Variants in FRK observed in about 807,000 individuals in gnomAD.
The protein encoded by FRK is fyn related Src family tyrosine kinase, also known as tyrosine-protein kinase FRK.
FRK carries 51 observed loss-of-function variants against 56.4 expected under a neutral mutation model. The ratio of observed to expected loss-of-function variants is 0.90; its 90% CI spans 0.72 to 1.14. The LOEUF (loss-of-function observed/expected upper bound fraction) is 1.14. FRK is among the 50% of genes most tolerant of loss of function. FRK has a pLI of 0.00. For missense variants in FRK, 570 were observed against 601.4 expected, an observed-to-expected ratio of 0.95 and a Z score of 0.55; for synonymous variants, 245 against 217.9, an observed-to-expected ratio of 1.12 and a Z score of -1.10.
rs374267660 is a variant in FRK at position 116,060,198 on chromosome 6, G to A, written c.114C>T (p.Pro38=). 1 of 1,614,034 alleles carries A rather than the reference G, an allele frequency of 6.2e-7. No homozygotes were observed. Among genetic ancestry groups the A allele is most frequent in the Non-Finnish European group, 8.5e-7 (1 of 1,180,036 alleles). The change falls in exon 1 of 8, where the codon CCC becomes CCT. Residue 38 remains proline (P), a synonymous_variant. Transcript: ENST00000606080. ...VIENPGALCS[P]QSQRHGHYFV... is the part of the protein sequence containing the mutation. ...AGTAGTGGCCATGCCTCTGTGACTG[G>A]GGAGAGCAAAGGGCCCCTGGATTTT...
the FRK span, among the ~76,000 whole-genome samples, chr6:116,075,019 G>T: frequency 6.6e-6 from 1 of 152,128 alleles, no homozygotes. Context: ...AGAAGGAGAA[G>T]GGCAGAGATT....
chr6:115,988,537 A>G (rs1235704151), intron 2 of FRK, among the ~76,000 whole-genome samples: 2 of 151,978 alleles, frequency 1.3e-5, no homozygotes, highest in Admixed American at 1.3e-4. Context: ...AAAACTAAAA[A>G]CAAACAAAGT....
At chr6:115,999,962 T>A (rs1230183811) in intron 2 of FRK, among the ~76,000 whole-genome samples, 1 of 152,190 alleles carries the variant, frequency 6.6e-6, no homozygotes, top group Non-Finnish European at 1.5e-5. Context: ...TTGACTTCAT[T>A]GAAAAGAAAT....
chr6:116,053,585 G>T (rs1777260420), intron 1 of FRK, among the ~76,000 whole-genome samples: 1 of 152,076 alleles, frequency 6.6e-6, no homozygotes, highest in Non-Finnish European at 1.5e-5. Context: ...AAACCAATTT[G>T]AATCCAATAG....
At chr6:115,948,176 GC>G (rs1772543390) in intron 5 of FRK, among the ~76,000 whole-genome samples, 1 of 152,192 alleles carries the variant, frequency 6.6e-6, no homozygotes, top group Admixed American at 6.5e-5. Context: ...GTTGCAAGCT[GC>G]CCAGTGGAAA....
intron 1 of FRK, among the ~76,000 whole-genome samples, chr6:116,033,134 T>G (rs370070658): frequency 6.6e-6 from 1 of 151,722 alleles, no homozygotes; most frequent in South Asian, 2.1e-4. Flanking sequence ...CTATGATGGA[T>G]CACAGGCAGC....
chr6:116,061,838 G>A (rs188838341), upstream of FRK, among the ~76,000 whole-genome samples: 54 of 151,890 alleles, frequency 3.6e-4, no homozygotes, highest in Admixed American at 1.6e-3. Context: ...TGAGACCCTT[G>A]AACCTGGCTA....
chr6:116,098,128 A>T, the FRK span, among the ~76,000 whole-genome samples: 97,648 of 110,162 alleles, frequency 0.89, 42,672 homozygotes, highest in East Asian at 0.98. Flanking sequence ...TTTTTTTTTT[A>T]AAAGACAGGG....
chr6:116,036,105 CT>C (rs1220708600), intron 1 of FRK, among the ~76,000 whole-genome samples: 4 of 152,062 alleles, frequency 2.6e-5, no homozygotes, highest in Non-Finnish European at 5.9e-5. Flanking sequence ...GCTGCCTGCA[CT>C]TTTTTTAAAA....
At chr6:115,968,552 AAC>A in intron 3 of FRK, 22 bp downstream of exon 3, 2 of 1,591,360 alleles carry the variant, frequency 1.3e-6, no homozygotes, top group South Asian at 2.3e-5. Flanking sequence ...TCAATAAAAA[AAC>A]ACAGCTTGAA....
At chr6:116,004,305 G>A (rs1391577501) in intron 1 of FRK, among the ~76,000 whole-genome samples, 1 of 152,068 alleles carries the variant, frequency 6.6e-6, no homozygotes, top group African/African-American at 2.4e-5. Context: ...CAAAGCCCCA[G>A]TGTCTGCCTG....
At chr6:115,976,686 TTCTGCCAGTGATTTGTTC>T (rs1184753683) in intron 2 of FRK, among the ~76,000 whole-genome samples, 5 of 152,186 alleles carry the variant, frequency 3.3e-5, no homozygotes, top group African/African-American at 1.2e-4. Flanking sequence ...CCTAATCTTA[TTCTGCCAGTGATTTGTTC>T]TCTGACCTTA....
chr6:116,029,165 A>C (rs559776795), intron 1 of FRK, among the ~76,000 whole-genome samples: 1 of 152,062 alleles, frequency 6.6e-6, no homozygotes, highest in African/African-American at 2.4e-5. Flanking sequence ...ATCTTCCCTA[A>C]CTATCCCATT....
chr6:115,932,580 C>T lies in FRK; in HGVS notation c.*9834G>A, dbSNP rs1738017515. The T allele has an allele frequency of 6.6e-6, 1 of 152,176 alleles. No individual in the cohort carries two copies. The highest frequency in any genetic ancestry group is 2.1e-4 in the South Asian group (1 of 4,832). The allele number at this position is 152,176 out of a possible 1,614,324, so 9.4% of individuals were successfully genotyped here. A position where few individuals can be genotyped will look rare whatever the true frequency, so the allele number is the denominator to read the frequency against. ...ATAAGGTACCCAAATCATCACCATT[C>T]TAGCTCACATAATGTGTCTTTTTAA... On this transcript the variant is annotated 3_prime_UTR_variant, in exon 8 of 8. Transcript: ENST00000606080.
At chr6:115,969,020 C>G (rs201395065) in intron 2 of FRK, among the ~76,000 whole-genome samples, 1 of 151,930 alleles carries the variant, frequency 6.6e-6, no homozygotes, top group Non-Finnish European at 1.5e-5. Context: ...TTGATTAAAA[C>G]AAGCCATAAA....
intron 1 of FRK, among the ~76,000 whole-genome samples, chr6:116,055,227 A>T (rs1457714026): frequency 6.6e-6 from 1 of 152,210 alleles, no homozygotes; most frequent in Non-Finnish European, 1.5e-5. Context: ...CTGACACACT[A>T]AAGAGCAGCA....
Position 115,970,131 on chromosome 6 carries a change from A to AT in FRK, c.467-1393dup, listed in dbSNP as rs557321401. Among the ~76,000 whole-genome samples the AT allele has an allele frequency of 3.4e-3, 495 of 146,722 alleles. 13 individuals are homozygous for AT. The South Asian group carries it at 0.038, about 11-fold the overall frequency. ...ACTGAGGGCATGCCAATAGCTAGGA[A>AT]TTTTTTTTTTTTTCAAAAACAGGAA... On this transcript the variant is annotated intron_variant, in intron 2 of 7. Coordinates refer to ENST00000606080, the MANE Select transcript of FRK (RefSeq NM_002031.3).
chr6:116,038,895 A>AT, intron 1 of FRK: 1 of 587,904 alleles, frequency 1.7e-6, no homozygotes, highest in Admixed American at 2.1e-5. Context: ...CCCACTGCCT[A>AT]TACCGACTTT....
chr6:115,974,857 C>G (rs781149580), intron 2 of FRK, among the ~76,000 whole-genome samples: 1 of 152,128 alleles, frequency 6.6e-6, no homozygotes, highest in East Asian at 1.9e-4. Flanking sequence ...TCTATCCACT[C>G]GAGCTCCTCC....
Sources: gnomAD v4.1 joint callset for allele counts (sites outside exome capture counted in the v4.1 genomes callset) on GRCh38, gnomAD v4.1.1 for gene constraint, MANE v1.5 for transcripts, NCBI Gene and HGNC (gene_info 2026-07-23, HGNC 2026-07-21) for gene names.